Variants in PDE3A observed in about 807,000 individuals in gnomAD.
The protein encoded by PDE3A is phosphodiesterase 3A.
In PDE3A, 43 loss-of-function variants were observed where a neutral mutation model predicts 98.3. That is an observed-to-expected ratio of 0.44 (90% CI 0.34 to 0.56). PDE3A has a LOEUF of 0.56. Among genes scored for constraint, PDE3A ranks in the 20% least tolerant of loss-of-function variants. The pLI is 0.01. For synonymous variants in PDE3A, 663 were observed against 567.9 expected (o/e 1.17, Z -2.38); for missense variants, 1,427 against 1,440.7 (o/e 0.99, Z 0.15).
chr12:20,419,630 A>C (rs1944478430), intron 1 of PDE3A, among the ~76,000 whole-genome samples: 1 of 151,944 alleles, frequency 6.6e-6, no homozygotes, highest in Non-Finnish European at 1.5e-5. Flanking sequence ...TAAAATGTAA[A>C]TATTAAATTC....
At chr12:20,649,753 C>T (rs988667960) in intron 13 of PDE3A, among the ~76,000 whole-genome samples, 1 of 152,002 alleles carries the variant, frequency 6.6e-6, no homozygotes, top group Non-Finnish European at 1.5e-5. Flanking sequence ...TGGCGAAACA[C>T]CATCCCTACT....
At chr12:20,633,152 T>C (rs569618444) in intron 6 of PDE3A, among the ~76,000 whole-genome samples, 191 of 152,210 alleles carry the variant, frequency 1.3e-3, no homozygotes, top group African/African-American at 4.2e-3. Flanking sequence ...GATTTCACCA[T>C]GTTGGCCAGG....
chr12:20,501,588 G>T (rs1302377366), intron 1 of PDE3A, among the ~76,000 whole-genome samples: 2 of 152,080 alleles, frequency 1.3e-5, no homozygotes, highest in Non-Finnish European at 2.9e-5. Context: ...TTCGTAGAGC[G>T]AGGTAGTTAA....
Position 20,552,666 on chromosome 12 carries a change from G to A in PDE3A, c.961-3994G>A. 1 of 1,613,986 alleles carries A rather than the reference G, an allele frequency of 6.2e-7. No homozygotes were observed. Among genetic ancestry groups the A allele is most frequent in the Non-Finnish European group, 8.5e-7 (1 of 1,179,856 alleles). ...TGGAGCCCTACAGTCTCACGGCCCA[G>A]CAGAGCAGCCTCATCAGAGAGGACA... On this transcript the variant is annotated intron_variant, in intron 1 of 15. Transcript: ENST00000359062. The surrounding 1 kb of genome is among the most constrained non-coding windows in gnomAD (Gnocchi z 5.1).
At position 20,605,954 on chromosome 12, in the gene PDE3A, A is replaced by ATTAAG. The variant is rs375692808; in HGVS notation, c.1012-7485_1012-7481dup. 2.0e-3 allele frequency among the ~76,000 whole-genome samples: 304 copies of ATTAAG among 152,314 alleles called. 2 individuals are homozygous for ATTAAG. Among genetic ancestry groups the ATTAAG allele is most frequent in the African/African-American group, 7.0e-3 (292 of 41,566 alleles). On this transcript the variant is annotated intron_variant, in intron 2 of 15. Transcript: ENST00000359062. ...CATTTTCTGCCTGTCAGCCTATTTAATTAAGTTATCAATTTAATCTGTGAT... is the reference window on the plus strand; with the variant it reads ...CATTTTCTGCCTGTCAGCCTATTTAATTAAGTTAAGTTATCAATTTAATCTGTGAT...
intron 1 of PDE3A, among the ~76,000 whole-genome samples, chr12:20,460,518 G>A (rs778761002): frequency 1.6e-4 from 25 of 152,218 alleles, no homozygotes; most frequent in Non-Finnish European, 3.2e-4. Flanking sequence ...TAAGAAGAAT[G>A]CAATATGAAA....
intron 10 of PDE3A, among the ~76,000 whole-genome samples, chr12:20,640,715 C>G (rs1207548872): frequency 6.6e-6 from 1 of 151,920 alleles, no homozygotes; most frequent in Non-Finnish European, 1.5e-5. Context: ...GATTATAACA[C>G]ATAAGTAAAA....
At chr12:20,370,829 A>T (rs140592076) in intron 1 of PDE3A, among the ~76,000 whole-genome samples, 362 of 152,280 alleles carry the variant, frequency 2.4e-3, no homozygotes, top group African/African-American at 8.4e-3. Flanking sequence ...ACTGCAGCTG[A>T]TGGTGCCCAA....
At position 20,682,928 on chromosome 12, in the gene PDE3A, C is replaced by CT. The variant is rs1388473768; in HGVS notation, c.*2658dup. 6.6e-6 allele frequency: 1 copy of CT among 152,152 alleles called. No homozygotes were observed. Among genetic ancestry groups the CT allele is most frequent in the African/African-American group, 2.4e-5 (1 of 41,428 alleles). The allele number at this position is 152,152 out of a possible 1,614,324, so 9.4% of individuals were successfully genotyped here. A position where few individuals can be genotyped will look rare whatever the true frequency, so the allele number is the denominator to read the frequency against. Reference sequence around the variant, plus strand: ...GTTTCATCAAAGCTGTATAGTCCAACTAGTGGGGCAGCTTGGCTACTATGG... The same window carrying CT: ...GTTTCATCAAAGCTGTATAGTCCAACTTAGTGGGGCAGCTTGGCTACTATGG... On this transcript the variant is annotated 3_prime_UTR_variant, in exon 16 of 16. Transcript: ENST00000359062.
In PDE3A at chr12:20,450,049, C is replaced by G. The variant is rs1481753240; in HGVS notation, c.960+79805C>G. 9.8e-6 allele frequency: 6 copies of G among 612,992 alleles called. No individual in the cohort carries two copies. In the East Asian group the frequency reaches 1.9e-4, roughly 19 times the overall value. 38.0% of individuals were successfully genotyped at this position (612,992 alleles called of 1,614,324 possible). On this transcript the variant is annotated intron_variant, in intron 1 of 15. Transcript: ENST00000359062. ...ACGGAAGTTTTTCATTCCACAATTG[C>G]ATATTTCTTCAAGCTCCTTCATCAG...
chr12:20,591,470 G>A (rs1943337058), intron 2 of PDE3A, among the ~76,000 whole-genome samples: 2 of 152,206 alleles, frequency 1.3e-5, no homozygotes, highest in African/African-American at 2.4e-5. Context: ...CAATGCTCAT[G>A]GCTTGTTCCA....
chr12:20,489,449 G>A (rs1220583400), intron 1 of PDE3A, among the ~76,000 whole-genome samples: 1 of 152,080 alleles, frequency 6.6e-6, no homozygotes, highest in Non-Finnish European at 1.5e-5. Flanking sequence ...AAAAAACATT[G>A]TTTTGGGTCT....
intron 1 of PDE3A, among the ~76,000 whole-genome samples, chr12:20,532,956 G>A (rs1342988017): frequency 1.3e-5 from 2 of 152,154 alleles, no homozygotes; most frequent in Admixed American, 6.6e-5. Context: ...GATTACAGGC[G>A]TGAGCCACCG....
chr12:20,561,695 C>T (rs1419197632), intron 2 of PDE3A, among the ~76,000 whole-genome samples: 1 of 151,932 alleles, frequency 6.6e-6, no homozygotes. Flanking sequence ...TCCCGGGATA[C>T]TTAATAAATA....
intron 1 of PDE3A, among the ~76,000 whole-genome samples, chr12:20,380,127 G>GTA (rs1172481247): frequency 6.6e-6 from 1 of 151,786 alleles, no homozygotes; most frequent in Admixed American, 6.6e-5. Flanking sequence ...TTATACTCTA[G>GTA]TAGTCTGCAT....
intron 1 of PDE3A, among the ~76,000 whole-genome samples, chr12:20,436,397 G>A (rs182702528): frequency 3.9e-5 from 6 of 152,220 alleles, no homozygotes; most frequent in Non-Finnish European, 7.4e-5. Context: ...AGGGGTGAAA[G>A]GTTCATATTC....
At chr12:20,475,081 T>G (rs796571707) in intron 1 of PDE3A, among the ~76,000 whole-genome samples, 2 of 151,980 alleles carry the variant, frequency 1.3e-5, no homozygotes, top group African/African-American at 4.8e-5. Context: ...CAAAAATGAG[T>G]GACCAAATAC....
chr12:20,613,460 T>C lies in PDE3A; in HGVS notation c.1029T>C (p.Ile343=). The change falls in exon 3 of 16, where the codon ATT becomes ATC. Residue 343 remains isoleucine, a synonymous_variant. Transcript: ENST00000359062. ...PRGSQSSGTS[I]TVDIAVMGEA... is the part of the protein sequence containing the mutation. ...TGTCTCAGTCTTCAGGAACCAGTAT[T>C]ACTGTGGACATCGCCGTCATGGGCG... 1.2e-6 allele frequency: 2 copies of C among 1,614,146 alleles called. No homozygotes were observed. The highest frequency in any genetic ancestry group is 1.7e-6 in the Non-Finnish European group (2 of 1,179,964).
intron 2 of PDE3A, among the ~76,000 whole-genome samples, chr12:20,558,697 T>TAATAAC (rs1942433930): frequency 7.3e-6 from 1 of 137,298 alleles, no homozygotes; most frequent in Non-Finnish European, 1.7e-5. Flanking sequence ...GACGAAATAA[T>TAATAAC]AATAATAATA....
Sources: allele counts gnomAD v4.1 joint callset (sites outside exome capture counted in the v4.1 genomes callset), GRCh38; gene constraint gnomAD v4.1.1; non-coding constraint Gnocchi (gnomAD v3.1); transcripts MANE v1.5; gene names NCBI Gene and HGNC (gene_info 2026-07-23, HGNC 2026-07-21).